NPSR1: variants seen among roughly 807,000 people sequenced by gnomAD.
NPSR1 encodes neuropeptide S receptor.
In NPSR1, 48 loss-of-function variants were observed where a neutral mutation model predicts 46.9. That is an observed-to-expected ratio of 1.02 (90% CI 0.81 to 1.30). The LOEUF is 1.30. Among genes scored for constraint, NPSR1 ranks in the 50% most tolerant of loss-of-function variants. NPSR1 has a pLI of 0.00. For missense variants in NPSR1, 450 were observed against 449.5 expected (o/e 1.00, Z -0.01); for synonymous variants, 176 against 168.1 (o/e 1.05, Z -0.36).
chr7:34,747,136 A>AC (rs1785245136), intron 2 of NPSR1, among the ~76,000 whole-genome samples: 1 of 151,082 alleles, frequency 6.6e-6, no homozygotes, highest in African/African-American at 2.4e-5. Context: ...AAACAAAAAA[A>AC]AAAAAAAAAA....
intron 1 of NPSR1, among the ~76,000 whole-genome samples, chr7:34,664,171 A>G (rs144823240): frequency 2.0e-5 from 3 of 152,328 alleles, no homozygotes; most frequent in Admixed American, 6.5e-5. Flanking sequence ...CATCATTTCA[A>G]TGAGGCAGTG....
chr7:34,870,895 G>T (rs1791436541), intron 8 of NPSR1, among the ~76,000 whole-genome samples: 2 of 150,546 alleles, frequency 1.3e-5, no homozygotes, highest in African/African-American at 5.0e-5. Flanking sequence ...TGGATGGATG[G>T]ATGGATGAAT....
intron 3 of NPSR1, among the ~76,000 whole-genome samples, chr7:34,809,698 C>G (rs561869719): frequency 2.0e-5 from 3 of 152,046 alleles, no homozygotes; most frequent in Non-Finnish European, 4.4e-5. Context: ...CTCCTGACCT[C>G]GTGATCCACC....
At chr7:34,819,049 A>C (rs369925495) in intron 4 of NPSR1, among the ~76,000 whole-genome samples, 1 of 152,234 alleles carries the variant, frequency 6.6e-6, no homozygotes. Flanking sequence ...CAATGGCAAC[A>C]AAAGCCAAAA....
At chr7:34,871,578 T>G (rs1049703108) in intron 8 of NPSR1, 1 of 151,762 alleles carries the variant, frequency 6.6e-6, no homozygotes, top group African/African-American at 2.4e-5. Context: ...CCTTCCACCA[T>G]CAGCCTGTAA....
intron 2 of NPSR1, chr7:34,750,294 T>C (rs1329069489): frequency 2.9e-6 from 2 of 694,322 alleles, no homozygotes; most frequent in East Asian, 5.6e-5. Context: ...ATGGGGGTTA[T>C]TTTCTTGGGT....
intron 2 of NPSR1, among the ~76,000 whole-genome samples, chr7:34,775,017 A>T (rs73325779): frequency 5.6e-4 from 86 of 152,270 alleles, no homozygotes; most frequent in African/African-American, 2.1e-3. Context: ...CTACTGAACC[A>T]CTAAAAACTT....
At chr7:34,711,754 G>A (rs1026101606) in intron 2 of NPSR1, among the ~76,000 whole-genome samples, 13 of 152,238 alleles carry the variant, frequency 8.5e-5, no homozygotes, top group Non-Finnish European at 1.6e-4. Flanking sequence ...GCTCTCTACT[G>A]TCACTGTTTG....
chr7:34,815,271 G>A (rs1263491130), intron 4 of NPSR1, among the ~76,000 whole-genome samples: 1 of 152,134 alleles, frequency 6.6e-6, no homozygotes, highest in African/African-American at 2.4e-5. Flanking sequence ...ACTTCGTGAG[G>A]CATGCACAAG....
chr7:34,756,771 GC>G (rs746090052), intron 2 of NPSR1, among the ~76,000 whole-genome samples: 10 of 152,118 alleles, frequency 6.6e-5, no homozygotes, highest in Non-Finnish European at 1.5e-4. Flanking sequence ...TCCTCTCTCT[GC>G]CATTTGTTAT....
At position 34,811,835 on chromosome 7, in the gene NPSR1, C is replaced by T. The variant is rs116733850; in HGVS notation, c.450C>T (p.Ile150=). The T allele has an allele frequency of 1.9e-4, 307 of 1,613,486 alleles. 1 individual carries two copies. In the African/African-American group the frequency reaches 3.5e-3, roughly 19 times the overall value. ...TCAGCATAGACAGATACCATGCCAT[C>T]GTCTACCCCATGAAGTTCCTTCAAG... ...VSLSIDRYHA[I]VYPMKFLQGE... The change falls in exon 4 of 9, where the codon ATC becomes ATT. Residue 150 remains isoleucine (I), a synonymous_variant. Transcript: ENST00000360581.
rs1784167942 is a variant in NPSR1, at chr7:34,726,656, G to C, written c.280+41972G>C. 2.0e-5 allele frequency among the ~76,000 whole-genome samples: 3 copies of C among 152,050 alleles called. No homozygotes were observed. In the South Asian group the frequency reaches 6.2e-4, roughly 32 times the overall value. On this transcript the variant is annotated intron_variant, in intron 2 of 8. Coordinates refer to ENST00000360581, the MANE Select transcript of NPSR1 (RefSeq NM_207172.2). The stretch of plus-strand genomic sequence containing the variant: ...GGAAAAACAAACTATAGTACATCCA[G>C]ACAATGGAATATTATTCAGCACTAA...
intron 2 of NPSR1, among the ~76,000 whole-genome samples, chr7:34,740,448 G>A (rs897971073): frequency 5.9e-5 from 9 of 151,288 alleles, no homozygotes; most frequent in East Asian, 1.9e-4. Flanking sequence ...CAATTGTTAC[G>A]AAGTTCAGCT....
chr7:34,763,923 T>G (rs1324926256), intron 2 of NPSR1, among the ~76,000 whole-genome samples: 1 of 152,224 alleles, frequency 6.6e-6, no homozygotes, highest in Non-Finnish European at 1.5e-5. Flanking sequence ...TTGACTTTTT[T>G]TTAGTGAACT....
At chr7:34,869,992 G>A (rs189380747) in intron 8 of NPSR1, among the ~76,000 whole-genome samples, 5 of 151,850 alleles carry the variant, frequency 3.3e-5, no homozygotes, top group African/African-American at 1.2e-4. Context: ...TCTTTTTCAA[G>A]AACAGGTACG....
At chr7:34,790,834 ATGT>A (rs1787743775) in intron 3 of NPSR1, among the ~76,000 whole-genome samples, 1 of 132,054 alleles carries the variant, frequency 7.6e-6, no homozygotes, top group East Asian at 2.1e-4. Context: ...GTTATATGTT[ATGT>A]TATATATATG....
intron 2 of NPSR1, among the ~76,000 whole-genome samples, chr7:34,698,700 C>T (rs1793662560): frequency 6.6e-6 from 1 of 152,132 alleles, no homozygotes; most frequent in South Asian, 2.1e-4. Context: ...TTAATCTTTA[C>T]TGGTGGATTG....
chr7:34,728,425 G>A (rs568443763), intron 2 of NPSR1, among the ~76,000 whole-genome samples: 2 of 152,318 alleles, frequency 1.3e-5, no homozygotes, highest in Non-Finnish European at 1.5e-5. Context: ...GTTCCCACCT[G>A]AGCCAGTGAT....
At chr7:34,818,321 G>A (rs1260847168) in intron 4 of NPSR1, among the ~76,000 whole-genome samples, 1 of 152,132 alleles carries the variant, frequency 6.6e-6, no homozygotes, top group African/African-American at 2.4e-5. Context: ...ATTCACAATT[G>A]CTACAAAGAG....
Sources: allele counts gnomAD v4.1 joint callset (sites outside exome capture counted in the v4.1 genomes callset), GRCh38; gene constraint gnomAD v4.1.1; transcripts MANE v1.5; gene names NCBI Gene and HGNC (gene_info 2026-07-23, HGNC 2026-07-21).